Variants in BTRC observed in about 807,000 individuals in gnomAD.
BTRC encodes the protein F-box/WD repeat-containing protein 1A.
A neutral mutation model predicts 85.5 loss-of-function variants in BTRC; 42 were observed. The observed-to-expected ratio is 0.49, with a 90% CI of 0.38 to 0.64. The LOEUF (loss-of-function observed/expected upper bound fraction) is 0.64, where lower values mean the gene tolerates loss of function less well. Ranked by LOEUF, BTRC falls within the 30% of genes least tolerant of loss-of-function variation. BTRC has a pLI of 0.00. For synonymous variants in BTRC, 255 were observed against 263.3 expected (o/e 0.97, Z 0.30); for missense variants, 594 against 743.5 (o/e 0.80, Z 2.34).
At chr10:101,453,938 C>T (rs1945011593) in intron 2 of BTRC, among the ~76,000 whole-genome samples, 1 of 152,130 alleles carries the variant, frequency 6.6e-6, no homozygotes, top group Non-Finnish European at 1.5e-5. Context: ...TGAAAGCAGC[C>T]ACAGACAAAT....
intron 4 of BTRC, among the ~76,000 whole-genome samples, chr10:101,485,214 C>T (rs190306250): frequency 1.3e-5 from 2 of 152,280 alleles, no homozygotes; most frequent in African/African-American, 4.8e-5. Flanking sequence ...GTCCAGACCC[C>T]AGCCCAGAAT....
chr10:101,533,213 C>T (rs1488022151), intron 9 of BTRC, 143 bp downstream of exon 9: 2 of 537,724 alleles, frequency 3.7e-6, no homozygotes, highest in Non-Finnish European at 3.2e-6. Flanking sequence ...TTCTGTCAGT[C>T]TAGAACTAGA....
intron 1 of BTRC, among the ~76,000 whole-genome samples, chr10:101,390,922 T>C (rs1368999373): frequency 6.6e-6 from 1 of 152,218 alleles, no homozygotes; most frequent in East Asian, 1.9e-4. Flanking sequence ...TTAAGACTTG[T>C]AGGGAATTCA....
At chr10:101,533,178 G>A in intron 9 of BTRC, 108 bp downstream of exon 9, 2 of 673,170 alleles carry the variant, frequency 3.0e-6, no homozygotes, top group Non-Finnish European at 4.8e-6. Flanking sequence ...AACTAAAGAA[G>A]AATAAACCAC....
chr10:101,458,972 A>G (rs544624581), intron 2 of BTRC, among the ~76,000 whole-genome samples: 2 of 152,222 alleles, frequency 1.3e-5, no homozygotes, highest in East Asian at 1.9e-4. Context: ...TTTAAATTTT[A>G]CTTAGGTTTT....
intron 3 of BTRC, among the ~76,000 whole-genome samples, chr10:101,472,954 A>G (rs986285102): frequency 3.9e-5 from 6 of 152,072 alleles, no homozygotes; most frequent in South Asian, 2.1e-4. Flanking sequence ...TATTTTTAAC[A>G]TGACTGGGGT....
rs1943130487 is a variant in BTRC, at chr10:101,388,034, A to G, written c.48+33806A>G. Among the ~76,000 whole-genome samples, 3 of 152,194 alleles carry G rather than the reference A, an allele frequency of 2.0e-5. No individual in the cohort carries two copies. In the South Asian group the frequency reaches 6.2e-4, roughly 32 times the overall value. ...AGCTTGTCAAGTTCAAAAGCAACAAATATCTAAAGGCAAAAATATACTAAA... is the reference window on the plus strand; with the variant it reads ...AGCTTGTCAAGTTCAAAAGCAACAAGTATCTAAAGGCAAAAATATACTAAA... On this transcript the variant is annotated intron_variant, in intron 1 of 14. Coordinates refer to ENST00000370187, the MANE Select transcript of BTRC (RefSeq NM_033637.4).
intron 2 of BTRC, among the ~76,000 whole-genome samples, chr10:101,449,729 T>TG (rs1944911686): frequency 6.6e-6 from 1 of 152,150 alleles, no homozygotes; most frequent in African/African-American, 2.4e-5. Context: ...GAAATCCCCC[T>TG]GGTGAATTTT....
intron 1 of BTRC, among the ~76,000 whole-genome samples, chr10:101,375,672 A>C (rs1189069996): frequency 6.6e-6 from 1 of 152,212 alleles, no homozygotes; most frequent in Non-Finnish European, 1.5e-5. Flanking sequence ...CAAGGAACTA[A>C]ATAATTGATT....
In BTRC at chr10:101,515,789, G is replaced by A. The variant is rs2062015740; in HGVS notation, c.325-5850G>A. Among the ~76,000 whole-genome samples the A allele has an allele frequency of 2.0e-5, 3 of 152,150 alleles. No homozygotes were observed. The South Asian group carries it at 6.2e-4, about 31-fold the overall frequency. Reference sequence around the variant, plus strand: ...GCCTCCCAAAGTGCTTGGATTATAGGCGTGAGCCACTGCTCCCAGGCTAAA... The same window carrying A: ...GCCTCCCAAAGTGCTTGGATTATAGACGTGAGCCACTGCTCCCAGGCTAAA... On this transcript the variant is annotated intron_variant, in intron 4 of 14. Coordinates refer to ENST00000370187, the MANE Select transcript of BTRC (RefSeq NM_033637.4).
At chr10:101,446,191 G>A (rs1012368126) in intron 2 of BTRC, among the ~76,000 whole-genome samples, 6 of 136,884 alleles carry the variant, frequency 4.4e-5, no homozygotes, top group African/African-American at 1.4e-4. Flanking sequence ...GTACTAGTAA[G>A]AGATCAGGAT....
intron 4 of BTRC, among the ~76,000 whole-genome samples, chr10:101,517,496 T>A (rs959134036): frequency 2.6e-5 from 4 of 152,168 alleles, no homozygotes; most frequent in African/African-American, 9.7e-5. Flanking sequence ...CTAAATGTGG[T>A]ACAGTTTTAT....
At chr10:101,367,559 A>G (rs1942505226) in intron 1 of BTRC, among the ~76,000 whole-genome samples, 1 of 152,192 alleles carries the variant, frequency 6.6e-6, no homozygotes, top group Non-Finnish European at 1.5e-5. Context: ...CAGGAATAGA[A>G]CTTTGCCAGC....
In BTRC at chr10:101,551,982, C is replaced by T. The variant is rs564833713; in HGVS notation, c.*31+1091C>T. Among the ~76,000 whole-genome samples the T allele has an allele frequency of 2.6e-5, 4 of 152,200 alleles. No individual in the cohort carries two copies. The East Asian group carries it at 7.7e-4, about 29-fold the overall frequency. ...TAATATGCCCTCAGGAAAAACTGGT[C>T]ATGAGTATTAATATTGCAATCTCCA... On this transcript the variant is annotated intron_variant, in intron 14 of 14. Transcript: ENST00000370187.
chr10:101,545,733 G>A (rs1308610204), intron 13 of BTRC, among the ~76,000 whole-genome samples: 1 of 152,116 alleles, frequency 6.6e-6, no homozygotes, highest in African/African-American at 2.4e-5. Context: ...TCTATTTTTT[G>A]AGCCCCCTAG....
Position 101,483,585 on chromosome 10 carries a change from T to C in BTRC, c.324+4128T>C, listed in dbSNP as rs370914044. 6.6e-4 allele frequency among the ~76,000 whole-genome samples: 101 copies of C among 152,052 alleles called. 2 individuals carry two copies. The highest frequency in any genetic ancestry group is 2.4e-3 in the African/African-American group (99 of 41,496). ...TCCAGCCTGGGCGACAGAGTGAGACTCAGTCTCAAAAAAAAAACTGAAAAT... is the reference window on the plus strand; with the variant it reads ...TCCAGCCTGGGCGACAGAGTGAGACCCAGTCTCAAAAAAAAAACTGAAAAT... On this transcript the variant is annotated intron_variant, in intron 4 of 14. Coordinates refer to ENST00000370187, the MANE Select transcript of BTRC (RefSeq NM_033637.4).
chr10:101,502,094 A>T (rs546361488), intron 4 of BTRC, among the ~76,000 whole-genome samples: 1 of 152,144 alleles, frequency 6.6e-6, no homozygotes, highest in Non-Finnish European at 1.5e-5. Context: ...TTTTCTGCCT[A>T]TTTCTGAGAG....
chr10:101,520,263 C>T (rs12268325), intron 4 of BTRC, among the ~76,000 whole-genome samples: 5,600 of 151,988 alleles, frequency 0.037, 333 homozygotes, highest in African/African-American at 0.13. Flanking sequence ...CCTGCCTCAG[C>T]CTCCTGAGTA....
intron 1 of BTRC, among the ~76,000 whole-genome samples, chr10:101,373,555 G>T (rs1590215215): frequency 6.6e-6 from 1 of 152,196 alleles, no homozygotes; most frequent in East Asian, 1.9e-4. Context: ...GTGTTTGGTG[G>T]GTGAAGATAT....
Sources: gnomAD v4.1 joint callset for allele counts (sites outside exome capture counted in the v4.1 genomes callset) on GRCh38, gnomAD v4.1.1 for gene constraint, MANE v1.5 for transcripts, NCBI Gene and HGNC (gene_info 2026-07-23, HGNC 2026-07-21) for gene names.